Variants in BCL6B observed in about 807,000 individuals in gnomAD.
BCL6B encodes BCL6B transcription repressor.
Under a neutral mutation model 44.6 loss-of-function variants are expected in BCL6B, and 28 were observed. That is an observed-to-expected ratio of 0.63 (90% CI 0.47 to 0.86). The LOEUF is 0.86. BCL6B is among the 40% of genes least tolerant of loss of function. The probability of loss-of-function intolerance (pLI) is 0.00; values close to 1 mark genes in which losing one functional copy is unlikely to be tolerated. For missense variants in BCL6B, 626 were observed against 652.3 expected (o/e 0.96, Z 0.44); for synonymous variants, 268 against 263.6 (o/e 1.02, Z -0.16).
Position 7,024,322 on chromosome 17 carries a change from G to C in BCL6B, c.401+18G>C. The stretch of plus-strand genomic sequence containing the variant: ...CAGGCCAGGTGAGGGACCCTGGCTC[G>C]GCGTTCTCTGTGGGTGAGGTGTTAA... On this transcript the variant is annotated intron_variant, in intron 3 of 8. Transcript: ENST00000293805. This position sits in a 1 kb window ranked among gnomAD's most constrained non-coding sequence, Gnocchi z 6.6. 1 of 1,613,680 alleles carries C rather than the reference G, an allele frequency of 6.2e-7. No homozygotes were observed.
chr17:7,026,761 C>A lies in BCL6B; in HGVS notation c.1111C>A (p.Leu371Met), dbSNP rs956196880. The change falls in exon 7 of 9, where the codon CTG becomes ATG. Residue 371 changes from leucine (L) to methionine (M), a missense_variant. Coordinates refer to ENST00000293805, the MANE Select transcript of BCL6B (RefSeq NM_181844.4). The part of the protein sequence containing the change: ...CGARFNRPAN[L>M]KTHSRIHSGE... ...AGCCCGTTTTAACCGGCCAGCAAAC[C>A]TGAAAACGCACAGCCGCATCCATTC... 2.5e-6 allele frequency: 4 copies of A among 1,614,224 alleles called. No homozygotes were observed. Among genetic ancestry groups the A allele is most frequent in the Non-Finnish European group, 3.4e-6 (4 of 1,180,058 alleles).
rs1294053556 is a variant in BCL6B at position 7,024,241 on chromosome 17, C to G, written c.338C>G (p.Ala113Gly). ...LSPATAPAVL[A>G]AATYLQMEHV... is the part of the protein sequence containing the mutation. ...CCAGCCACTGCACCAGCAGTCCTAGCGGCCGCCACCTATTTGCAGATGGAG... is the reference window on the plus strand; with the variant it reads ...CCAGCCACTGCACCAGCAGTCCTAGGGGCCGCCACCTATTTGCAGATGGAG... Residue 113 changes from alanine to glycine, a missense_variant, in exon 3 of 9, where the codon GCG (alanine) becomes GGG (glycine). Coordinates refer to ENST00000293805, the MANE Select transcript of BCL6B (RefSeq NM_181844.4). This position sits in a 1 kb window ranked among gnomAD's most constrained non-coding sequence, Gnocchi z 6.6. 1 of 1,613,698 alleles carries G rather than the reference C, an allele frequency of 6.2e-7. No homozygotes were observed. The highest frequency in any genetic ancestry group is 8.5e-7 in the Non-Finnish European group (1 of 1,180,026).
chr17:7,024,700 C>CCAGCAGCAGCAGCAGCAG lies in BCL6B; in HGVS notation c.714_731dup (p.Ser239_Ser244dup), dbSNP rs55799550. 13 of 1,458,676 alleles carry CCAGCAGCAGCAGCAGCAG rather than the reference C, an allele frequency of 8.9e-6. No individual in the cohort carries two copies. The African/African-American group carries it at 1.2e-4, about 14-fold the overall frequency. The allele number at this position is 1,458,676 out of a possible 1,614,324, so 90.4% of individuals were successfully genotyped here. A position where few individuals can be genotyped will look rare whatever the true frequency, so the allele number is the denominator to read the frequency against. ...AGGCTCCCCAGTGGAGACGAGGCCT[C>CCAGCAGCAGCAGCAGCAG]CAGCAGCAGCAGCAGCAGCAGCAGC... On this transcript the variant is annotated inframe_insertion, in exon 4 of 9. Coordinates refer to ENST00000293805, the MANE Select transcript of BCL6B (RefSeq NM_181844.4). The surrounding 1 kb of genome is among the most constrained non-coding windows in gnomAD (Gnocchi z 6.6).
chr17:7,023,587 G>T (rs1050612650), intron 1 of BCL6B, 73 bp from the exon 2 acceptor site: 2 of 1,439,036 alleles, frequency 1.4e-6, no homozygotes, highest in African/African-American at 1.4e-5. Flanking sequence ...CACCTCGGAA[G>T]GAAAAGGCAA....
chr17:7,028,698 T>C lies in BCL6B; in HGVS notation c.*1079T>C. ...GAGATCAGACATTCCTTATCAGAGA[T>C]GATGTGACCTTTTCTGACTCTGCCC... On this transcript the variant is annotated 3_prime_UTR_variant, in exon 9 of 9. Transcript: ENST00000293805. 1.0e-6 allele frequency: 1 copy of C among 985,438 alleles called. No homozygotes were observed. Among genetic ancestry groups the C allele is most frequent in the Non-Finnish European group, 1.2e-6 (1 of 829,924 alleles). 61.0% of individuals were successfully genotyped at this position (985,438 alleles called of 1,614,324 possible).
chr17:7,024,351 C>T lies in BCL6B; in HGVS notation c.401+47C>T, dbSNP rs776190724. On this transcript the variant is annotated intron_variant, in intron 3 of 8. Coordinates refer to ENST00000293805, the MANE Select transcript of BCL6B (RefSeq NM_181844.4). This position sits in a 1 kb window ranked among gnomAD's most constrained non-coding sequence, Gnocchi z 6.6. Reference sequence around the variant, plus strand: ...TTCTCTGTGGGTGAGGTGTTAAGGGCAAAGGCAGAGTTTAGGAAATGGCAC... The same window carrying T: ...TTCTCTGTGGGTGAGGTGTTAAGGGTAAAGGCAGAGTTTAGGAAATGGCAC... 6.2e-7 allele frequency: 1 copy of T among 1,613,112 alleles called. No individual in the cohort carries two copies. Among genetic ancestry groups the T allele is most frequent in the South Asian group, 1.1e-5 (1 of 91,054 alleles).
At position 7,024,179 on chromosome 17, in the gene BCL6B, A is replaced by G. The variant is rs977660436; in HGVS notation, c.276A>G (p.Leu92=). The G allele has an allele frequency of 1.2e-6, 2 of 1,613,714 alleles. No homozygotes were observed. The highest frequency in any genetic ancestry group is 1.7e-6 in the Non-Finnish European group (2 of 1,179,944). Residue 92 remains leucine (L), a synonymous_variant, in exon 3 of 9, where the codon CTA becomes CTG. Transcript: ENST00000293805. This position sits in a 1 kb window ranked among gnomAD's most constrained non-coding sequence, Gnocchi z 6.6. ...CCGAAGCGAGAGGCTTCGCCCCTCTATTGGACTTCATGTACACTTCGCGCC... is the reference window on the plus strand; with the variant it reads ...CCGAAGCGAGAGGCTTCGCCCCTCTGTTGGACTTCATGTACACTTCGCGCC... ...GGPEARGFAP[L]LDFMYTSRLR...
chr17:7,029,567 A>T lies in BCL6B; in HGVS notation c.*1948A>T. The stretch of plus-strand genomic sequence containing the variant: ...TTTCTATTTAGCAGATTGGATGGGC[A>T]GGTGGAGAATGCCTGGGGGTAGAAA... On this transcript the variant is annotated 3_prime_UTR_variant, in exon 9 of 9. Coordinates refer to ENST00000293805, the MANE Select transcript of BCL6B (RefSeq NM_181844.4). 3.5e-6 allele frequency: 4 copies of T among 1,149,892 alleles called. No homozygotes were observed. The highest frequency in any genetic ancestry group is 4.3e-6 in the Non-Finnish European group (4 of 921,006). The allele number at this position is 1,149,892 out of a possible 1,614,324, so 71.2% of individuals were successfully genotyped here.
In BCL6B at chr17:7,023,677, T is replaced by A. The variant is rs1379429505; in HGVS notation, c.6T>A (p.Gly2=). The A allele has an allele frequency of 1.2e-6, 2 of 1,611,864 alleles. No individual in the cohort carries two copies. The highest frequency in any genetic ancestry group is 2.7e-5 in the African/African-American group (2 of 74,920). Residue 2 remains glycine (G), a synonymous_variant, in exon 2 of 9, where the codon GGT becomes GGA. Transcript: ENST00000293805. The stretch of plus-strand genomic sequence containing the variant: ...CTCTACAGGCCTGTGTCGCTATGGG[T>A]TCCCCCGCCGCCCCGGAGGGAGCGC... The part of the protein sequence containing the change: M[G]SPAAPEGALG...
chr17:7,026,701 C>G lies in BCL6B; in HGVS notation c.1055-4C>G. The stretch of plus-strand genomic sequence containing the variant: ...CCCTGATCTCCCATGTTCTCTGCCT[C>G]CAGGGGAAAAGCCTTACCACTGCTC... On this transcript the variant is annotated splice_polypyrimidine_tract_variant and splice_region_variant and intron_variant, in intron 6 of 8. Transcript: ENST00000293805. 1 of 1,614,246 alleles carries G rather than the reference C, an allele frequency of 6.2e-7. No homozygotes were observed. Among genetic ancestry groups the G allele is most frequent in the South Asian group, 1.1e-5 (1 of 91,084 alleles).
At position 7,024,361 on chromosome 17, in the gene BCL6B, G is replaced by T; in HGVS notation, c.402-40G>T. 2 of 1,612,810 alleles carry T rather than the reference G, an allele frequency of 1.2e-6. No individual in the cohort carries two copies. Among genetic ancestry groups the T allele is most frequent in the Non-Finnish European group, 1.7e-6 (2 of 1,179,284 alleles). ...GTGAGGTGTTAAGGGCAAAGGCAGA[G>T]TTTAGGAAATGGCACTAACGTTCAT... On this transcript the variant is annotated intron_variant, in intron 3 of 8. Coordinates refer to ENST00000293805, the MANE Select transcript of BCL6B (RefSeq NM_181844.4). The surrounding 1 kb of genome is among the most constrained non-coding windows in gnomAD (Gnocchi z 6.6).
At position 7,024,072 on chromosome 17, in the gene BCL6B, T is replaced by C. The variant is rs375084496; in HGVS notation, c.180-11T>C. On this transcript the variant is annotated splice_polypyrimidine_tract_variant and intron_variant, in intron 2 of 8. Transcript: ENST00000293805. The surrounding 1 kb of genome is among the most constrained non-coding windows in gnomAD (Gnocchi z 6.6). The stretch of plus-strand genomic sequence containing the variant: ...CCCAGCCCCCAAAGGACTTATCTGC[T>C]CTCTCTCTAGTGGCTTCTTCTATTC... The C allele has an allele frequency of 5.0e-6, 8 of 1,613,230 alleles. No individual in the cohort carries two copies. The highest frequency in any genetic ancestry group is 6.8e-6 in the Non-Finnish European group (8 of 1,179,504).
chr17:7,024,559 C>T lies in BCL6B; in HGVS notation c.560C>T (p.Pro187Leu). The T allele has an allele frequency of 6.2e-7, 1 of 1,614,100 alleles. No homozygotes were observed. Residue 187 changes from proline to leucine, a missense_variant, in exon 4 of 9, where the codon CCT becomes CTT. Coordinates refer to ENST00000293805, the MANE Select transcript of BCL6B (RefSeq NM_181844.4). This position sits in a 1 kb window ranked among gnomAD's most constrained non-coding sequence, Gnocchi z 6.6. ...CSQGPPSPAS[P>L]DPKACNWKKY... ...CAAGGCCCCCCCAGTCCAGCCAGCC[C>T]TGACCCCAAGGCCTGCAACTGGAAA...
rs374559311 is a variant in BCL6B at position 7,024,288 on chromosome 17, C to T, written c.385C>T (p.Arg129Cys). The change falls in exon 3 of 9, where the codon CGC becomes TGC. Residue 129 changes from arginine (R) to cysteine (C), a missense_variant. Physicochemically the swap from Arg to Cys is radical, Grantham distance 180. Coordinates refer to ENST00000293805, the MANE Select transcript of BCL6B (RefSeq NM_181844.4). This position sits in a 1 kb window ranked among gnomAD's most constrained non-coding sequence, Gnocchi z 6.6. Reference sequence around the variant, plus strand: ...GGAGCACGTGGTCCAGGCATGCCACCGCTTCATCCAGGCCAGGTGAGGGAC... The same window carrying T: ...GGAGCACGTGGTCCAGGCATGCCACTGCTTCATCCAGGCCAGGTGAGGGAC... Reference protein sequence around the residue: ...QMEHVVQACHRFIQASYEPLG... With the variant: ...QMEHVVQACHCFIQASYEPLG... 10 of 1,613,750 alleles carry T rather than the reference C, an allele frequency of 6.2e-6. No homozygotes were observed. Among genetic ancestry groups the T allele is most frequent in the Middle Eastern group, 3.3e-4 (2 of 6,062 alleles).
intron 1 of BCL6B, 196 bp from the exon 2 acceptor site, chr17:7,023,464 G>C: frequency 1.7e-6 from 1 of 582,482 alleles, no homozygotes. Flanking sequence ...AGCGCTGTGG[G>C]ATCTGGAAGA....
Position 7,024,321 on chromosome 17 carries a change from C to G in BCL6B, c.401+17C>G, listed in dbSNP as rs749337243. The G allele has an allele frequency of 3.7e-6, 6 of 1,613,692 alleles. No homozygotes were observed. In the South Asian group the frequency reaches 5.5e-5, roughly 15 times the overall value. ...CCAGGCCAGGTGAGGGACCCTGGCTCGGCGTTCTCTGTGGGTGAGGTGTTA... is the reference window on the plus strand; with the variant it reads ...CCAGGCCAGGTGAGGGACCCTGGCTGGGCGTTCTCTGTGGGTGAGGTGTTA... On this transcript the variant is annotated intron_variant, in intron 3 of 8. Coordinates refer to ENST00000293805, the MANE Select transcript of BCL6B (RefSeq NM_181844.4). The surrounding 1 kb of genome is among the most constrained non-coding windows in gnomAD (Gnocchi z 6.6).
chr17:7,024,821 T>A lies in BCL6B; in HGVS notation c.764+58T>A. 2.6e-6 allele frequency: 4 copies of A among 1,529,882 alleles called. No homozygotes were observed. Among genetic ancestry groups the A allele is most frequent in the Non-Finnish European group, 3.5e-6 (4 of 1,138,672 alleles). 94.8% of individuals were successfully genotyped at this position (1,529,882 alleles called of 1,614,324 possible). On this transcript the variant is annotated intron_variant, in intron 4 of 8. Coordinates refer to ENST00000293805, the MANE Select transcript of BCL6B (RefSeq NM_181844.4). The surrounding 1 kb of genome is among the most constrained non-coding windows in gnomAD (Gnocchi z 6.6). ...AGCTGGCCTCAGCTAGAAGACAGAG[T>A]CATTGGGCCTTGATGGTCAGGAGGA... is the stretch of plus-strand genomic sequence containing the variant.
At chr17:7,026,647 TC>T in intron 6 of BCL6B, 26 bp downstream of exon 6, 1 of 1,614,060 alleles carries the variant, frequency 6.2e-7, no homozygotes, top group Non-Finnish European at 8.5e-7. Context: ...GCCCTGGCCT[TC>T]AAGCCCACAG....
At position 7,028,405 on chromosome 17, in the gene BCL6B, G is replaced by A. The variant is rs996585205; in HGVS notation, c.*786G>A. The A allele has an allele frequency of 3.0e-6, 3 of 985,406 alleles. No homozygotes were observed. The East Asian group carries it at 3.4e-4, about 112-fold the overall frequency. The allele number at this position is 985,406 out of a possible 1,614,324, so 61.0% of individuals were successfully genotyped here. On this transcript the variant is annotated 3_prime_UTR_variant, in exon 9 of 9. Coordinates refer to ENST00000293805, the MANE Select transcript of BCL6B (RefSeq NM_181844.4). ...CAAGGGTGATAGGAACCATTATGTT[G>A]AGCCCAAAATGGAAGTAATAATAAA...
Sources: allele counts gnomAD v4.1 joint callset, GRCh38; gene constraint gnomAD v4.1.1; non-coding constraint Gnocchi (gnomAD v3.1); transcripts MANE v1.5; gene names NCBI Gene and HGNC (gene_info 2026-07-23, HGNC 2026-07-21).